LYRM4: variants seen among roughly 807,000 people sequenced by gnomAD.
The protein encoded by LYRM4 is LYR motif-containing protein 4.
LYRM4 carries 9 observed loss-of-function variants against 11.7 expected under a neutral mutation model. The observed-to-expected ratio is 0.77, with a 90% confidence interval of 0.46 to 1.34. The LOEUF (loss-of-function observed/expected upper bound fraction) is 1.34. LYRM4 is among the 40% of genes most tolerant of loss of function. The pLI is 0.00. For synonymous variants in LYRM4, 42 were observed against 40.4 expected, an observed-to-expected ratio of 1.04 and a Z score of -0.15; for missense variants, 133 against 112.5, an observed-to-expected ratio of 1.18 and a Z score of -0.82.
At chr6:5,070,475 AT>A in the LYRM4 span, among the ~76,000 whole-genome samples, 2 of 152,166 alleles carry the variant, frequency 1.3e-5, no homozygotes, top group African/African-American at 4.8e-5. Flanking sequence ...ATGTTTTCTA[AT>A]TTTTCCATAG....
intron 2 of LYRM4, among the ~76,000 whole-genome samples, chr6:5,185,017 C>T (rs990630021): frequency 2.6e-5 from 4 of 152,150 alleles, no homozygotes; most frequent in African/African-American, 9.7e-5. Flanking sequence ...CTTCCTTATG[C>T]CCTGCTTGTC....
At chr6:5,106,151 A>T (rs1762658300), downstream of LYRM4, 1 of 152,186 alleles carries the variant, frequency 6.6e-6, no homozygotes, top group Non-Finnish European at 1.5e-5. Flanking sequence ...CCCTCTTTGT[A>T]ACATTCATAA....
intron 1 of LYRM4, among the ~76,000 whole-genome samples, chr6:5,242,662 T>A (rs1179915073): frequency 2.0e-5 from 3 of 150,542 alleles, no homozygotes; most frequent in Non-Finnish European, 3.0e-5. Flanking sequence ...GAGGCTGCAA[T>A]GAGCCAAGAT....
At chr6:5,064,284 G>A in the LYRM4 span, among the ~76,000 whole-genome samples, 3 of 152,040 alleles carry the variant, frequency 2.0e-5, no homozygotes, top group South Asian at 2.1e-4. Context: ...AGCAAGCCCT[G>A]AACGGCAAAC....
chr6:5,251,177 T>C lies in LYRM4; in HGVS notation c.86+9471A>G, dbSNP rs374279872. On this transcript the variant is annotated intron_variant, in intron 1 of 2. Coordinates refer to ENST00000330636, the MANE Select transcript of LYRM4 (RefSeq NM_020408.6). ...AGGTTCTAGTGTGGTAATATATACA[T>C]ACACACACACACACTGTGAGTTTTC... 4.0e-5 allele frequency among the ~76,000 whole-genome samples: 6 copies of C among 151,870 alleles called. No homozygotes were observed. The South Asian group carries it at 6.2e-4, about 16-fold the overall frequency.
chr6:5,083,850 T>C, the LYRM4 span, among the ~76,000 whole-genome samples: 1 of 152,192 alleles, frequency 6.6e-6, no homozygotes, highest in Non-Finnish European at 1.5e-5. Flanking sequence ...GTTTCTAGAA[T>C]CCCCAACTTT....
At chr6:5,202,693 A>C (rs1206720471) in intron 2 of LYRM4, among the ~76,000 whole-genome samples, 1 of 152,222 alleles carries the variant, frequency 6.6e-6, no homozygotes, top group Non-Finnish European at 1.5e-5. Flanking sequence ...TATGTATGTC[A>C]GGGCTGCCAA....
chr6:5,108,491 T>C lies in LYRM4; in HGVS notation c.*932A>G, dbSNP rs963351759. 6.9e-6 allele frequency: 6 copies of C among 871,558 alleles called. No individual in the cohort carries two copies. In the African/African-American group the frequency reaches 9.1e-5, roughly 13 times the overall value. 54.0% of individuals were successfully genotyped at this position (871,558 alleles called of 1,614,324 possible). ...GCAGGGGTCCCCAGTTGGTTAAACA[T>C]TGAAAACAGTGGGAGAGCTTCAGAA... On this transcript the variant is annotated 3_prime_UTR_variant, in exon 3 of 3. Transcript: ENST00000330636.
At chr6:5,121,659 C>T (rs750513937) in intron 2 of LYRM4, among the ~76,000 whole-genome samples, 1 of 152,232 alleles carries the variant, frequency 6.6e-6, no homozygotes, top group Non-Finnish European at 1.5e-5. Flanking sequence ...AACATCACGT[C>T]AGAGGAAAAC....
chr6:5,205,585 T>C (rs1761650583), intron 2 of LYRM4, among the ~76,000 whole-genome samples: 1 of 151,966 alleles, frequency 6.6e-6, no homozygotes, highest in Admixed American at 6.6e-5. Flanking sequence ...GTAGGAAAAA[T>C]ACTTTAATAT....
Position 5,171,688 on chromosome 6 carries a change from C to T in LYRM4, c.207+44930G>A, listed in dbSNP as rs907749032. Among the ~76,000 whole-genome samples, 3 of 152,146 alleles carry T rather than the reference C, an allele frequency of 2.0e-5. 1 individual carries two copies. The highest frequency in any genetic ancestry group is 4.4e-5 in the Non-Finnish European group (3 of 68,036). On this transcript the variant is annotated intron_variant, in intron 2 of 2. Coordinates refer to ENST00000330636, the MANE Select transcript of LYRM4 (RefSeq NM_020408.6). The stretch of plus-strand genomic sequence containing the variant: ...CCGTATAAACATTTTAAGAGTCTAA[C>T]GTGCTGACAAAGCACCTCTTTCTGT...
chr6:5,095,479 T>C, the LYRM4 span, among the ~76,000 whole-genome samples: 3 of 152,228 alleles, frequency 2.0e-5, no homozygotes, highest in African/African-American at 7.2e-5. Context: ...TTACAGCTTA[T>C]TGCCTTATTT....
chr6:5,220,811 T>C (rs558432913), intron 1 of LYRM4, among the ~76,000 whole-genome samples: 41 of 152,286 alleles, frequency 2.7e-4, no homozygotes, highest in East Asian at 2.3e-3. Flanking sequence ...AGAGCACTCA[T>C]TGCAATACAC....
At chr6:5,085,625 C>G in the LYRM4 span, 4 of 1,548,338 alleles carry the variant, frequency 2.6e-6, no homozygotes, top group South Asian at 2.4e-5. Context: ...GCTTCGGAGA[C>G]CCCGAGTCCT....
the LYRM4 span, among the ~76,000 whole-genome samples, chr6:5,048,800 G>A: frequency 6.6e-6 from 1 of 152,318 alleles, no homozygotes; most frequent in Middle Eastern, 3.4e-3. Context: ...AGTGAGGAGA[G>A]CAATTGCATA....
the LYRM4 span, chr6:5,087,108 C>T: frequency 6.5e-6 from 1 of 153,110 alleles, no homozygotes; most frequent in African/African-American, 2.4e-5. Context: ...CTGGGCCAGG[C>T]CACCCTTTTC....
Position 5,260,739 on chromosome 6 carries a change from A to G in LYRM4, c.-6T>C, listed in dbSNP as rs1259887783. 1 of 1,545,092 alleles carries G rather than the reference A, an allele frequency of 6.5e-7. No individual in the cohort carries two copies. Among genetic ancestry groups the G allele is most frequent in the Admixed American group, 2.0e-5 (1 of 51,196 alleles). On this transcript the variant is annotated 5_prime_UTR_variant, in exon 1 of 3. Coordinates refer to ENST00000330636, the MANE Select transcript of LYRM4 (RefSeq NM_020408.6). ...GCGCGACTGGAGGCTGCCATTTTGG[A>G]AAGAAAAAAAAATAAACGGGTCCTC...
In LYRM4 at chr6:5,216,482, T is replaced by C. The variant is rs185389850; in HGVS notation, c.207+136A>G. The C allele has an allele frequency of 3.6e-5, 35 of 965,364 alleles. No individual in the cohort carries two copies. The East Asian group carries it at 7.8e-4, about 21-fold the overall frequency. The allele number at this position is 965,364 out of a possible 1,614,324, so 59.8% of individuals were successfully genotyped here. A position where few individuals can be genotyped will look rare whatever the true frequency, so the allele number is the denominator to read the frequency against. The stretch of plus-strand genomic sequence containing the variant: ...ATGAGAGTTCACCTTTACATGTCTG[T>C]ATTAGTACAAGGAACAGAGTTTCAT... On this transcript the variant is annotated intron_variant, in intron 2 of 2. Coordinates refer to ENST00000330636, the MANE Select transcript of LYRM4 (RefSeq NM_020408.6).
At chr6:5,071,165 G>C in the LYRM4 span, among the ~76,000 whole-genome samples, 1 of 147,056 alleles carries the variant, frequency 6.8e-6, no homozygotes, top group Non-Finnish European at 1.5e-5. Flanking sequence ...CTCCAGCCTG[G>C]GTGACAGGGC....
Sources: gnomAD v4.1 joint callset for allele counts (sites outside exome capture counted in the v4.1 genomes callset) on GRCh38, gnomAD v4.1.1 for gene constraint, MANE v1.5 for transcripts, NCBI Gene and HGNC (gene_info 2026-07-23, HGNC 2026-07-21) for gene names.